The following DCAF6 variants were observed in gnomAD, a reference collection of about 807,000 sequenced individuals.
DCAF6 encodes DDB1- and CUL4-associated factor 6.
Under a neutral mutation model 125.1 loss-of-function variants are expected in DCAF6, and 54 were observed. That is an observed-to-expected ratio of 0.43 (90% confidence interval 0.35 to 0.54). DCAF6 has a LOEUF of 0.54. Among genes scored for constraint, DCAF6 ranks in the 20% least tolerant of loss-of-function variants. The probability of loss-of-function intolerance (pLI) is 0.01; values close to 1 mark genes in which losing one functional copy is unlikely to be tolerated. For missense variants in DCAF6, 934 were observed against 1,161.7 expected (o/e 0.80, Z 2.85); for synonymous variants, 371 against 390.4 (o/e 0.95, Z 0.58).
At chr1:167,895,150 C>A in the DCAF6 span, among the ~76,000 whole-genome samples, 1 of 150,598 alleles carries the variant, frequency 6.6e-6, no homozygotes, top group Non-Finnish European at 1.5e-5. Context: ...CCAGTGCACT[C>A]CAACCTGGTG....
chr1:167,904,048 G>C, the DCAF6 span: 2 of 991,868 alleles, frequency 2.0e-6, no homozygotes. Flanking sequence ...AACAGAGCCA[G>C]AAGAGGACTA....
intron 7 of DCAF6, among the ~76,000 whole-genome samples, chr1:167,996,190 C>T (rs1053485093): frequency 3.3e-5 from 5 of 151,506 alleles, no homozygotes; most frequent in African/African-American, 1.2e-4. Context: ...TCATTTTTTT[C>T]CCCCTTCTTT....
At chr1:168,011,241 G>A (rs1684245098) in intron 10 of DCAF6, among the ~76,000 whole-genome samples, 1 of 150,836 alleles carries the variant, frequency 6.6e-6, no homozygotes, top group African/African-American at 2.4e-5. Context: ...TCAGCCTCCT[G>A]AGTAACTGGG....
chr1:167,906,127 G>C, the DCAF6 span, among the ~76,000 whole-genome samples: 4 of 152,082 alleles, frequency 2.6e-5, no homozygotes, highest in Non-Finnish European at 5.9e-5. Context: ...AAAAAATTGA[G>C]ACAGTCGCTT....
intron 10 of DCAF6, among the ~76,000 whole-genome samples, chr1:168,012,371 G>C (rs866916972): frequency 2.0e-5 from 3 of 152,166 alleles, no homozygotes; most frequent in Admixed American, 6.5e-5. Context: ...CAAGAATAGG[G>C]TTTGTAGTTT....
chr1:168,051,429 A>C (rs780853672), intron 17 of DCAF6, among the ~76,000 whole-genome samples: 1 of 152,220 alleles, frequency 6.6e-6, no homozygotes, highest in South Asian at 2.1e-4. Flanking sequence ...ATAGTGTCAC[A>C]TATCAAGATG....
chr1:167,992,878 T>C (rs1044455087), intron 6 of DCAF6, among the ~76,000 whole-genome samples: 4 of 152,248 alleles, frequency 2.6e-5, no homozygotes, highest in African/African-American at 9.6e-5. Context: ...ATTAGCTTTT[T>C]GTAAAAATTT....
the DCAF6 span, among the ~76,000 whole-genome samples, chr1:167,919,556 T>C: frequency 6.6e-6 from 1 of 152,258 alleles, no homozygotes; most frequent in African/African-American, 2.4e-5. Context: ...TTTCCAATAC[T>C]ACATAACAAT....
the DCAF6 span, chr1:167,902,193 C>T: frequency 2.3e-6 from 2 of 876,754 alleles, no homozygotes; most frequent in Non-Finnish European, 3.6e-6. Flanking sequence ...GATCTCATCC[C>T]AGACAAGCCA....
chr1:168,004,002 GTTAA>G lies in DCAF6; in HGVS notation c.1117+18_1117+21del. On this transcript the variant is annotated intron_variant, in intron 9 of 21. Coordinates refer to ENST00000367840, the MANE Select transcript of DCAF6 (RefSeq NM_001198956.2). The stretch of plus-strand genomic sequence containing the variant: ...TCTCGACCCAGAGGTAATTTTTAAT[GTTAA>G]TTAAAGTCATCAGAAAGCTGGCAAA... 1 of 1,605,530 alleles carries G rather than the reference GTTAA, an allele frequency of 6.2e-7. No individual in the cohort carries two copies. Among genetic ancestry groups the G allele is most frequent in the Non-Finnish European group, 8.5e-7 (1 of 1,176,298 alleles).
At chr1:168,052,769 T>C (rs1227836143) in intron 17 of DCAF6, among the ~76,000 whole-genome samples, 1 of 152,208 alleles carries the variant, frequency 6.6e-6, no homozygotes, top group African/African-American at 2.4e-5. Flanking sequence ...AATAAAATGG[T>C]AGTCATCCCC....
chr1:167,954,508 A>G (rs1454260791), intron 2 of DCAF6, among the ~76,000 whole-genome samples: 1 of 151,646 alleles, frequency 6.6e-6, no homozygotes, highest in Non-Finnish European at 1.5e-5. Context: ...GCTGGAGTGC[A>G]GTGGCACAAT....
intron 3 of DCAF6, among the ~76,000 whole-genome samples, chr1:167,969,476 G>A (rs1326208422): frequency 6.6e-6 from 1 of 152,170 alleles, no homozygotes; most frequent in East Asian, 1.9e-4. Flanking sequence ...TATAGAGGAA[G>A]TATACAGCTG....
At chr1:167,966,477 G>T in intron 2 of DCAF6, 152 bp from the exon 3 acceptor site, 1 of 565,356 alleles carries the variant, frequency 1.8e-6, no homozygotes, top group Non-Finnish European at 3.1e-6. Context: ...CTGTGGCCAA[G>T]GGAAGCCATA....
chr1:167,891,023 G>A, the DCAF6 span, among the ~76,000 whole-genome samples: 30 of 151,950 alleles, frequency 2.0e-4, no homozygotes, highest in African/African-American at 6.3e-4. Context: ...GTGCAGTGGC[G>A]CAATCTCGGC....
Position 167,974,950 on chromosome 1 carries a change from G to A in DCAF6, c.373G>A (p.Val125Ile), listed in dbSNP as rs773037457. The A allele has an allele frequency of 4.4e-5, 71 of 1,608,660 alleles. No homozygotes were observed. Among genetic ancestry groups the A allele is most frequent in the Admixed American group, 2.2e-4 (13 of 59,500 alleles). Reference sequence around the variant, plus strand: ...AGATGGAGTAATATTTTATACCAACGTTGAGCAAGATGCAGAAACCAACAG... The same window carrying A: ...AGATGGAGTAATATTTTATACCAACATTGAGCAAGATGCAGAAACCAACAG... Reference protein sequence around the residue: ...SGDGVIFYTNVEQDAETNRQC... With the variant: ...SGDGVIFYTNIEQDAETNRQC... The change falls in exon 4 of 22, where the codon GTT becomes ATT. Residue 125 changes from valine to isoleucine, a missense_variant. Physicochemically the swap from Val to Ile is conservative, Grantham distance 29 (BLOSUM62 3). Coordinates refer to ENST00000367840, the MANE Select transcript of DCAF6 (RefSeq NM_001198956.2).
chr1:168,055,090 T>C (rs1690466089), intron 17 of DCAF6, among the ~76,000 whole-genome samples: 1 of 152,172 alleles, frequency 6.6e-6, no homozygotes, highest in Admixed American at 6.5e-5. Flanking sequence ...TACATGGAAT[T>C]TAATTTATTC....
At chr1:168,030,606 A>G (rs1222160551) in intron 12 of DCAF6, among the ~76,000 whole-genome samples, 1 of 152,198 alleles carries the variant, frequency 6.6e-6, no homozygotes, top group African/African-American at 2.4e-5. Flanking sequence ...AAGAGATTCA[A>G]GAAATATTTA....
intron 1 of DCAF6, among the ~76,000 whole-genome samples, chr1:167,942,061 G>A (rs1672324932): frequency 6.6e-6 from 1 of 151,990 alleles, no homozygotes; most frequent in Non-Finnish European, 1.5e-5. Flanking sequence ...GTTTTAATTT[G>A]CATTTCTCTT....
Sources: allele counts gnomAD v4.1 joint callset (sites outside exome capture counted in the v4.1 genomes callset), GRCh38; gene constraint gnomAD v4.1.1; transcripts MANE v1.5; gene names NCBI Gene and HGNC (gene_info 2026-07-23, HGNC 2026-07-21).